The following GALNTL5 variants were observed in gnomAD, a reference collection of about 807,000 sequenced individuals.
GALNTL5 encodes the protein polypeptide N-acetylgalactosaminyltransferase like 5.
GALNTL5 carries 44 observed loss-of-function variants against 51.0 expected under a neutral mutation model. The ratio of observed to expected loss-of-function variants is 0.86; its 90% CI spans 0.68 to 1.11. GALNTL5 has a LOEUF of 1.11. Ranked by LOEUF, GALNTL5 falls within the 50% of genes least tolerant of loss-of-function variation. The pLI is 0.00. For missense variants in GALNTL5, 528 were observed against 531.8 expected, an observed-to-expected ratio of 0.99 and a Z score of 0.07; for synonymous variants, 192 against 182.8, an observed-to-expected ratio of 1.05 and a Z score of -0.41.
At chr7:151,973,599 G>A (rs773557033) in intron 3 of GALNTL5, among the ~76,000 whole-genome samples, 8 of 152,196 alleles carry the variant, frequency 5.3e-5, no homozygotes, top group African/African-American at 7.2e-5. Flanking sequence ...TGCCTGTACC[G>A]CTATTGTATC....
chr7:151,998,897 T>C (rs2081535879), intron 5 of GALNTL5, among the ~76,000 whole-genome samples: 1 of 152,172 alleles, frequency 6.6e-6, no homozygotes, highest in Admixed American at 6.5e-5. Flanking sequence ...ACCAGATTTT[T>C]TAAAATTGAG....
chr7:152,007,413 C>CTTTTTT (rs34271081), intron 6 of GALNTL5, among the ~76,000 whole-genome samples: 1 of 109,954 alleles, frequency 9.1e-6, no homozygotes, highest in African/African-American at 3.4e-5. Flanking sequence ...AATGTTTTCT[C>CTTTTTT]TTTTTTTTTT....
At chr7:151,977,874 A>G (rs2081227229) in intron 3 of GALNTL5, among the ~76,000 whole-genome samples, 1 of 152,116 alleles carries the variant, frequency 6.6e-6, no homozygotes, top group African/African-American at 2.4e-5. Flanking sequence ...TTATTTCCCT[A>G]ATTACTATCA....
rs778846871 is a variant in GALNTL5 at position 151,967,283 on chromosome 7, T to A, written c.37T>A (p.Ser13Thr). The A allele has an allele frequency of 4.3e-5, 69 of 1,613,492 alleles. No individual in the cohort carries two copies. Among genetic ancestry groups the A allele is most frequent in the Non-Finnish European group, 5.4e-5 (64 of 1,179,544 alleles). The change falls in exon 2 of 9, where the codon TCC becomes ACC. Residue 13 changes from serine (S) to threonine (T), a missense_variant. Transcript: ENST00000392800. ...CATAATTCAAGGTTTATTCTATGGG[T>A]CCTTGACATTTGGGATCTGGACAGC... ...NAIIQGLFYGSLTFGIWTALL... is the reference protein window; with the variant it reads ...NAIIQGLFYGTLTFGIWTALL...
At chr7:151,994,988 A>G (rs1021838503) in intron 5 of GALNTL5, 5 of 151,954 alleles carry the variant, frequency 3.3e-5, no homozygotes, top group African/African-American at 1.2e-4. Flanking sequence ...CGATCTCCTG[A>G]CCTCGTGATC....
In GALNTL5 at chr7:151,967,619, A is replaced by C. The variant is rs549054212; in HGVS notation, c.247+126A>C. On this transcript the variant is annotated intron_variant, in intron 2 of 8. Coordinates refer to ENST00000392800, the MANE Select transcript of GALNTL5 (RefSeq NM_145292.4). ...TACTTTTTAAGATATAAATTATTTT[A>C]TATAGTGTATATATCTATACATAGA... The C allele has an allele frequency of 3.7e-5, 24 of 645,370 alleles. No homozygotes were observed. The South Asian group carries it at 4.7e-4, about 13-fold the overall frequency. 40.0% of individuals were successfully genotyped at this position (645,370 alleles called of 1,614,324 possible).
intron 3 of GALNTL5, among the ~76,000 whole-genome samples, chr7:151,978,134 TAATA>T (rs1222867143): frequency 1.3e-5 from 2 of 152,192 alleles, no homozygotes; most frequent in Non-Finnish European, 2.9e-5. Context: ...CTTTGTGGTA[TAATA>T]ATACATTTAT....
rs79228072 is a variant in GALNTL5, at chr7:152,019,621, C to T, written c.1177-25C>T. 3.5e-4 allele frequency: 554 copies of T among 1,597,630 alleles called. 2 individuals carry two copies. In the African/African-American group the frequency reaches 6.3e-3, roughly 18 times the overall value. ...CAAAGATTTGTTTGGTTGAACGTAACGACTGACTCTATATTTTCATTTAGG... is the reference window on the plus strand; with the variant it reads ...CAAAGATTTGTTTGGTTGAACGTAATGACTGACTCTATATTTTCATTTAGG... On this transcript the variant is annotated intron_variant, in intron 8 of 8. Coordinates refer to ENST00000392800, the MANE Select transcript of GALNTL5 (RefSeq NM_145292.4).
intron 7 of GALNTL5, among the ~76,000 whole-genome samples, chr7:152,014,218 G>C (rs575898013): frequency 1.3e-5 from 2 of 152,328 alleles, no homozygotes; most frequent in African/African-American, 4.8e-5. Context: ...TTATAAGGCT[G>C]TTGTGAGAAT....
At chr7:151,982,873 T>G in intron 3 of GALNTL5, 113 bp from the exon 4 acceptor site, 1 of 1,591,772 alleles carries the variant, frequency 6.3e-7, no homozygotes, top group Non-Finnish European at 8.5e-7. Flanking sequence ...TAATTATCAG[T>G]TGAAGGAGTA....
At chr7:151,970,904 T>G in intron 2 of GALNTL5, 41 bp from the exon 3 acceptor site, 4 of 1,526,772 alleles carry the variant, frequency 2.6e-6, no homozygotes, top group Non-Finnish European at 3.6e-6. Context: ...TCACTGCTAG[T>G]AAGCCTTTAC....
chr7:151,996,037 T>C (rs1431391265), intron 5 of GALNTL5, among the ~76,000 whole-genome samples: 2 of 152,180 alleles, frequency 1.3e-5, no homozygotes, highest in Non-Finnish European at 2.9e-5. Context: ...TTTAATAGTA[T>C]AGTTGCTTCG....
intron 2 of GALNTL5, 180 bp from the exon 3 acceptor site, chr7:151,970,765 G>A (rs1358563849): frequency 2.2e-6 from 1 of 445,080 alleles, no homozygotes; most frequent in Non-Finnish European, 4.1e-6. Context: ...TTATAGCAAT[G>A]CAAAATGTAC....
chr7:151,978,360 T>G (rs2081232594), intron 3 of GALNTL5, among the ~76,000 whole-genome samples: 1 of 152,206 alleles, frequency 6.6e-6, no homozygotes, highest in South Asian at 2.1e-4. Context: ...CTTTTTCTAA[T>G]GTGCTTAAAA....
At chr7:152,012,871 G>A (rs1177806331) in intron 7 of GALNTL5, among the ~76,000 whole-genome samples, 1 of 152,104 alleles carries the variant, frequency 6.6e-6, no homozygotes, top group Admixed American at 6.5e-5. Context: ...GGAGGCTTAG[G>A]CATGAGAATC....
In GALNTL5 at chr7:151,996,650, G is replaced by A. The variant is rs560885965; in HGVS notation, c.659-6064G>A. 2.0e-5 allele frequency among the ~76,000 whole-genome samples: 3 copies of A among 152,212 alleles called. No individual in the cohort carries two copies. In the South Asian group the frequency reaches 6.2e-4, roughly 32 times the overall value. On this transcript the variant is annotated intron_variant, in intron 5 of 8. Transcript: ENST00000392800. ...TGTAATCCTATTTATTTGGGAGGGC[G>A]AGGCAGGAGGATCGCTCGAGCCCAG...
chr7:151,965,612 C>T (rs933089197), intron 1 of GALNTL5, among the ~76,000 whole-genome samples: 2 of 152,136 alleles, frequency 1.3e-5, no homozygotes, highest in African/African-American at 4.8e-5. Flanking sequence ...GACATGGTGG[C>T]TCACACCTGT....
chr7:152,007,856 C>G lies in GALNTL5; in HGVS notation c.938C>G (p.Ala313Gly). 1 of 1,611,146 alleles carries G rather than the reference C, an allele frequency of 6.2e-7. No individual in the cohort carries two copies. The highest frequency in any genetic ancestry group is 8.5e-7 in the Non-Finnish European group (1 of 1,177,722). ...RSPAMSGGIF[A>G]IRRHYFNEIG... ...CCTGCAATGTCTGGAGGAATTTTTG[C>G]TATACGTCGGCATTATTTTAATGAA... Residue 313 changes from alanine (A) to glycine (G), a missense_variant, in exon 7 of 9, where the codon GCT becomes GGT. Ala to Gly is a moderately conservative substitution (Grantham distance 60, BLOSUM62 0). Transcript: ENST00000392800.
chr7:151,961,244 T>C (rs2080987356), intron 1 of GALNTL5, among the ~76,000 whole-genome samples: 1 of 151,542 alleles, frequency 6.6e-6, no homozygotes, highest in Non-Finnish European at 1.5e-5. Context: ...TCCCAGCACT[T>C]TGGGATTAAT....
Sources: gnomAD v4.1 joint callset for allele counts (sites outside exome capture counted in the v4.1 genomes callset) on GRCh38, gnomAD v4.1.1 for gene constraint, MANE v1.5 for transcripts, NCBI Gene and HGNC (gene_info 2026-07-23, HGNC 2026-07-21) for gene names.